The following ARID1B variants were observed in gnomAD, a reference collection of about 807,000 sequenced individuals.
The protein encoded by ARID1B is AT-rich interaction domain 1B.
ARID1B carries 30 observed loss-of-function variants against 212.3 expected under a neutral mutation model. That is an observed-to-expected ratio of 0.14 (90% CI 0.11 to 0.19). The LOEUF is 0.19. ARID1B is among the 10% of genes least tolerant of loss of function. The probability of loss-of-function intolerance (pLI) is 1.00; values close to 1 mark genes in which losing one functional copy is unlikely to be tolerated. For synonymous variants in ARID1B, 1,402 were observed against 1,301.7 expected, an observed-to-expected ratio of 1.08 and a Z score of -1.66; for missense variants, 2,891 against 3,204.0, an observed-to-expected ratio of 0.90 and a Z score of 2.36.
chr6:157,003,866 A>C (rs539675296), intron 4 of ARID1B, among the ~76,000 whole-genome samples: 1 of 148,862 alleles, frequency 6.7e-6, no homozygotes, highest in South Asian at 2.1e-4. Flanking sequence ...TTAAAAAAAA[A>C]TTTTTTTTTT....
chr6:156,951,756 T>C (rs917644436), intron 4 of ARID1B, among the ~76,000 whole-genome samples: 1 of 152,172 alleles, frequency 6.6e-6, no homozygotes, highest in Non-Finnish European at 1.5e-5. Context: ...ACTTCATTTC[T>C]TAAGAAAGGA....
intron 2 of ARID1B, among the ~76,000 whole-genome samples, chr6:156,849,214 C>A (rs287925): frequency 6.6e-6 from 1 of 151,972 alleles, no homozygotes; most frequent in Non-Finnish European, 1.5e-5. Flanking sequence ...AAGGTACTCA[C>A]GTGTTACCAG....
At chr6:156,777,090 T>C (rs73013281), upstream of ARID1B, 11,836 of 152,260 alleles carry the variant, frequency 0.078, 637 homozygotes, top group East Asian at 0.27. Context: ...GTATCGTTCC[T>C]TTTAGACGTG....
chr6:156,919,730 G>A (rs1456170001), intron 3 of ARID1B, among the ~76,000 whole-genome samples: 1 of 152,212 alleles, frequency 6.6e-6, no homozygotes, highest in Non-Finnish European at 1.5e-5. Flanking sequence ...TGCTCAGGAG[G>A]CTGAGGCAGG....
intron 4 of ARID1B, among the ~76,000 whole-genome samples, chr6:157,003,500 G>A (rs911155256): frequency 2.6e-5 from 4 of 152,194 alleles, no homozygotes; most frequent in Non-Finnish European, 5.9e-5. Context: ...AGATCCACAG[G>A]CCTTGTAATG....
At chr6:157,106,497 T>C (rs1391968356) in intron 5 of ARID1B, among the ~76,000 whole-genome samples, 1 of 152,156 alleles carries the variant, frequency 6.6e-6, no homozygotes, top group African/African-American at 2.4e-5. Context: ...TGCCTTAGTC[T>C]CAGTTCACAT....
At chr6:156,989,169 C>T (rs555347300) in intron 4 of ARID1B, among the ~76,000 whole-genome samples, 73 of 152,278 alleles carry the variant, frequency 4.8e-4, no homozygotes, top group Non-Finnish European at 9.0e-4. Context: ...CGTATTACTC[C>T]TGATTATTTC....
chr6:156,778,035 T>G lies in ARID1B; in HGVS notation c.355T>G (p.Ser119Ala). Residue 119 changes from serine to alanine, a missense_variant, in exon 1 of 20, where the codon TCC (serine) becomes GCC (alanine). Ser to Ala is a moderately conservative substitution (Grantham distance 99). Transcript: ENST00000636930. ...KEGGSAAALS[S>A]SSSSSAAAAA... is the part of the protein sequence containing the mutation. ...GGGTGGAAGCGCCGCCGCGCTGTCC[T>G]CCTCCTCCTCCTCCTCCGCGGCGGC... is the stretch of plus-strand genomic sequence containing the variant. 1 of 1,528,170 alleles carries G rather than the reference T, an allele frequency of 6.5e-7. No homozygotes were observed. Among genetic ancestry groups the G allele is most frequent in the Non-Finnish European group, 8.8e-7 (1 of 1,141,654 alleles). 94.7% of individuals were successfully genotyped at this position (1,528,170 alleles called of 1,614,324 possible). A position where few individuals can be genotyped will look rare whatever the true frequency, so the allele number is the denominator to read the frequency against.
intron 15 of ARID1B, chr6:157,194,920 T>G (rs1224706369): frequency 6.6e-6 from 1 of 152,162 alleles, no homozygotes; most frequent in African/African-American, 2.4e-5. Flanking sequence ...GCCCAGGAGT[T>G]CGAGGCTACA....
At chr6:156,823,743 G>A (rs1782555794) in intron 1 of ARID1B, among the ~76,000 whole-genome samples, 2 of 148,136 alleles carry the variant, frequency 1.4e-5, no homozygotes, top group Admixed American at 1.3e-4. Flanking sequence ...AAGGAATTGG[G>A]CTGAAAAAAG....
intron 2 of ARID1B, among the ~76,000 whole-genome samples, chr6:156,832,266 T>C (rs982231785): frequency 1.3e-5 from 2 of 152,236 alleles, no homozygotes; most frequent in Non-Finnish European, 2.9e-5. Context: ...TGGATAATTA[T>C]AAATTTGTTC....
rs781175942 is a variant in ARID1B at position 157,196,267 on chromosome 6, G to T, written c.4334G>T (p.Gly1445Val). 1 of 1,611,378 alleles carries T rather than the reference G, an allele frequency of 6.2e-7. No individual in the cohort carries two copies. Among genetic ancestry groups the T allele is most frequent in the East Asian group, 2.2e-5 (1 of 44,830 alleles). Residue 1445 changes from glycine to valine, a missense_variant, in exon 16 of 20, where the codon GGC becomes GTC. By Grantham distance (109) the Gly-to-Val change is moderately radical (BLOSUM62 -3). This residue lies in a region of ARID1B where 666 missense variants were observed against 873.5 expected (regional missense o/e 0.76). Transcript: ENST00000636930. ...CCCTCCGGAGCAATGTCTAACCTGG[G>T]CATGGGGCAGCGCCAGCAGTTTCCC... ...QSPSGAMSNLGMGQRQQFPYG... is the reference protein window; with the variant it reads ...QSPSGAMSNLVMGQRQQFPYG...
rs2128526092 is a variant in ARID1B, at chr6:157,113,685, A to G, written c.2581+3124A>G. 1.3e-5 allele frequency among the ~76,000 whole-genome samples: 2 copies of G among 152,336 alleles called. 1 individual carries two copies. Among genetic ancestry groups the G allele is most frequent in the South Asian group, 4.1e-4 (2 of 4,828 alleles). Reference sequence around the variant, plus strand: ...CCACCTCCAACATTTGGGTGGGGACACAGTTCAACATGAGATTTGGGTGGG... The same window carrying G: ...CCACCTCCAACATTTGGGTGGGGACGCAGTTCAACATGAGATTTGGGTGGG... On this transcript the variant is annotated intron_variant, in intron 6 of 19. Transcript: ENST00000636930.
intron 4 of ARID1B, among the ~76,000 whole-genome samples, chr6:157,037,853 G>T (rs551679246): frequency 2.6e-5 from 4 of 152,336 alleles, no homozygotes; most frequent in African/African-American, 9.6e-5. Flanking sequence ...ACCGCAGTGT[G>T]CAGGGTCTGG....
At chr6:157,160,884 C>A (rs1337825025) in intron 8 of ARID1B, among the ~76,000 whole-genome samples, 13 of 152,206 alleles carry the variant, frequency 8.5e-5, no homozygotes. Flanking sequence ...TTCCTTGGGA[C>A]CTTTTCCTGT....
chr6:157,189,995 C>A, intron 14 of ARID1B, 43 bp from the exon 15 acceptor site: 1 of 1,606,108 alleles, frequency 6.2e-7, no homozygotes, highest in Non-Finnish European at 8.5e-7. Context: ...TTGGAGGTAA[C>A]TCCTGCTGTA....
chr6:157,061,274 T>C (rs1329039900), intron 4 of ARID1B, among the ~76,000 whole-genome samples: 1 of 152,216 alleles, frequency 6.6e-6, no homozygotes. Context: ...TAATGGCAAT[T>C]ATAATAGTAA....
In ARID1B at chr6:157,203,778, A is replaced by G. The variant is rs1794267238; in HGVS notation, c.5264-88A>G. The G allele has an allele frequency of 6.7e-7, 1 of 1,491,618 alleles. No individual in the cohort carries two copies. The highest frequency in any genetic ancestry group is 9.3e-7 in the Non-Finnish European group (1 of 1,077,734). 92.4% of individuals were successfully genotyped at this position (1,491,618 alleles called of 1,614,324 possible). ...AAGTCAATATTTAACTTAACACTCCACTTATTTTTTCTTACTCTTTCGTTA... is the reference window on the plus strand; with the variant it reads ...AAGTCAATATTTAACTTAACACTCCGCTTATTTTTTCTTACTCTTTCGTTA... On this transcript the variant is annotated intron_variant, in intron 18 of 19. Transcript: ENST00000636930. This position sits in a 1 kb window ranked among gnomAD's most constrained non-coding sequence, Gnocchi z 4.4.
At chr6:156,803,888 T>A (rs1461401494) in intron 1 of ARID1B, among the ~76,000 whole-genome samples, 1 of 152,202 alleles carries the variant, frequency 6.6e-6, no homozygotes, top group African/African-American at 2.4e-5. Flanking sequence ...TGAAACGTAA[T>A]TTACGTGGTT....
Sources: allele counts gnomAD v4.1 joint callset (sites outside exome capture counted in the v4.1 genomes callset), GRCh38; gene constraint gnomAD v4.1.1; regional missense constraint gnomAD v4.1.1; non-coding constraint Gnocchi (gnomAD v3.1); transcripts MANE v1.5; gene names NCBI Gene and HGNC (gene_info 2026-07-23, HGNC 2026-07-21).